The following GRIA1 variants were observed in gnomAD, a reference collection of about 807,000 sequenced individuals.
The protein encoded by GRIA1 is glutamate receptor 1.
GRIA1 carries 31 observed loss-of-function variants against 99.2 expected under a neutral mutation model. That is an observed-to-expected ratio of 0.31 (90% CI 0.23 to 0.42). The LOEUF is 0.42. GRIA1 is among the 10% of genes least tolerant of loss of function. The probability of loss-of-function intolerance (pLI) is 1.00; values close to 1 mark genes in which losing one functional copy is unlikely to be tolerated. For missense variants in GRIA1, 782 were observed against 1,157.5 expected (o/e 0.68, Z 4.71); for synonymous variants, 438 against 432.4 (o/e 1.01, Z -0.16).
intron 2 of GRIA1, among the ~76,000 whole-genome samples, chr5:153,534,945 AG>A (rs1758428458): frequency 1.3e-5 from 2 of 151,390 alleles, no homozygotes; most frequent in African/African-American, 2.4e-5. Flanking sequence ...TTTATTTTTG[AG>A]GTGGAGTCTC....
chr5:153,607,716 G>A (rs1327603568), intron 2 of GRIA1, among the ~76,000 whole-genome samples: 1 of 151,782 alleles, frequency 6.6e-6, no homozygotes, highest in Non-Finnish European at 1.5e-5. Context: ...TGAATACTTA[G>A]TTTTATTTAT....
intron 13 of GRIA1, among the ~76,000 whole-genome samples, chr5:153,777,324 T>C (rs1035157627): frequency 1.3e-5 from 2 of 152,036 alleles, no homozygotes; most frequent in Non-Finnish European, 2.9e-5. Context: ...TGATGGGAGA[T>C]GACCAGGAAT....
chr5:153,551,647 G>T (rs753768928), intron 2 of GRIA1, among the ~76,000 whole-genome samples: 1 of 152,164 alleles, frequency 6.6e-6, no homozygotes, highest in Non-Finnish European at 1.5e-5. Flanking sequence ...TCTCCCAGGA[G>T]TAGTCTTTGC....
intron 2 of GRIA1, among the ~76,000 whole-genome samples, chr5:153,555,151 CCT>C (rs1282266307): frequency 6.6e-6 from 1 of 150,734 alleles, no homozygotes; most frequent in Non-Finnish European, 1.5e-5. Context: ...AGAGTAAACA[CCT>C]TTTTTATAGA....
chr5:153,575,197 A>AAGAGAGAGAG (rs3064338), intron 2 of GRIA1, among the ~76,000 whole-genome samples: 9,889 of 147,488 alleles, frequency 0.067, 656 homozygotes, highest in African/African-American at 0.18. Flanking sequence ...TCAAGAGAGA[A>AAGAGAGAGAG]AGAGAGAGAG....
intron 13 of GRIA1, among the ~76,000 whole-genome samples, chr5:153,793,733 T>A (rs969090017): frequency 6.6e-6 from 1 of 152,208 alleles, no homozygotes; most frequent in South Asian, 2.1e-4. Flanking sequence ...ATATGTTATA[T>A]GTACATGTTG....
intron 2 of GRIA1, among the ~76,000 whole-genome samples, chr5:153,496,622 G>C (rs972773090): frequency 1.3e-5 from 2 of 152,154 alleles, no homozygotes; most frequent in Non-Finnish European, 2.9e-5. Flanking sequence ...GTAAGGCTAG[G>C]AATACTTTAG....
intron 2 of GRIA1, among the ~76,000 whole-genome samples, chr5:153,523,511 A>ATT (rs33960409): frequency 0.24 from 35,646 of 149,902 alleles, 4,256 homozygotes; most frequent in South Asian, 0.27. Context: ...TGCTTTGAAC[A>ATT]TTTTTTTTTT....
At chr5:153,700,161 G>A (rs1758415397) in intron 10 of GRIA1, among the ~76,000 whole-genome samples, 1 of 152,116 alleles carries the variant, frequency 6.6e-6, no homozygotes, top group African/African-American at 2.4e-5. Flanking sequence ...GAGGCAGGTG[G>A]ATCACCTGAG....
chr5:153,571,223 G>A (rs867360804), intron 2 of GRIA1, among the ~76,000 whole-genome samples: 5 of 152,214 alleles, frequency 3.3e-5, no homozygotes, highest in East Asian at 1.9e-4. Context: ...GATATTTGCC[G>A]ACTGGGGGCA....
intron 5 of GRIA1, among the ~76,000 whole-genome samples, chr5:153,667,114 T>C (rs1006132167): frequency 6.6e-6 from 1 of 152,264 alleles, no homozygotes; most frequent in African/African-American, 2.4e-5. Context: ...ATGTTCAACC[T>C]GTGCCATTCA....
intron 11 of GRIA1, among the ~76,000 whole-genome samples, chr5:153,746,338 G>A (rs1468662044): frequency 6.6e-6 from 1 of 150,942 alleles, no homozygotes; most frequent in Non-Finnish European, 1.5e-5. Context: ...GGCAAATGGG[G>A]ATTTTCAATG....
At chr5:153,793,270 G>C (rs1765423824) in intron 13 of GRIA1, among the ~76,000 whole-genome samples, 1 of 152,204 alleles carries the variant, frequency 6.6e-6, no homozygotes, top group Non-Finnish European at 1.5e-5. Flanking sequence ...AATAGTAAAA[G>C]GGTCAGGCCA....
intron 13 of GRIA1, among the ~76,000 whole-genome samples, chr5:153,784,987 G>A (rs550841229): frequency 7.9e-5 from 12 of 152,142 alleles, no homozygotes; most frequent in African/African-American, 1.9e-4. Flanking sequence ...AAAGAACCCC[G>A]GCTTAGCCTT....
At chr5:153,598,371 G>A (rs1764602208) in intron 2 of GRIA1, among the ~76,000 whole-genome samples, 1 of 151,954 alleles carries the variant, frequency 6.6e-6, no homozygotes, top group Middle Eastern at 3.2e-3. Context: ...GTACCTATTA[G>A]AGGAAAGGGA....
chr5:153,607,061 ATATATAT>A lies in GRIA1; in HGVS notation c.221-39866_221-39860del. Among the ~76,000 whole-genome samples the A allele has an allele frequency of 2.7e-5, 4 of 147,486 alleles. No homozygotes were observed. The South Asian group carries it at 8.5e-4, about 31-fold the overall frequency. On this transcript the variant is annotated intron_variant, in intron 2 of 15. Transcript: ENST00000285900. ...ACAAAAGATATATATATATATATATATATATATAATCACAGTTTCTTTATCCACTCGT... is the reference window on the plus strand; with the variant it reads ...ACAAAAGATATATATATATATATATAAATCACAGTTTCTTTATCCACTCGT...
intron 4 of GRIA1, among the ~76,000 whole-genome samples, chr5:153,651,052 C>T (rs1013487109): frequency 6.6e-6 from 1 of 151,732 alleles, no homozygotes; most frequent in African/African-American, 2.4e-5. Flanking sequence ...GCACTCCAGC[C>T]TAGGCAACAG....
intron 2 of GRIA1, among the ~76,000 whole-genome samples, chr5:153,579,909 A>AC (rs397972156): frequency 2.0e-5 from 3 of 151,296 alleles, no homozygotes; most frequent in African/African-American, 7.3e-5. Context: ...AAAAAAAAAA[A>AC]CAGGATCCTG....
At chr5:153,554,848 G>A (rs541403365) in intron 2 of GRIA1, among the ~76,000 whole-genome samples, 1 of 152,290 alleles carries the variant, frequency 6.6e-6, no homozygotes, top group East Asian at 1.9e-4. Context: ...CAGGTAGTAG[G>A]CCAGATGCAG....
Sources: allele counts gnomAD v4.1 joint callset (sites outside exome capture counted in the v4.1 genomes callset), GRCh38; gene constraint gnomAD v4.1.1; transcripts MANE v1.5; gene names NCBI Gene and HGNC (gene_info 2026-07-23, HGNC 2026-07-21).